DOCK6: variants seen among roughly 807,000 people sequenced by gnomAD.
The protein encoded by DOCK6 is dedicator of cytokinesis 6.
DOCK6 carries 167 observed loss-of-function variants against 230.3 expected under a neutral mutation model. The ratio of observed to expected loss-of-function variants is 0.73; its 90% CI spans 0.64 to 0.82. The LOEUF is 0.82. DOCK6 is among the 40% of genes least tolerant of loss of function. DOCK6 has a pLI of 0.00. For synonymous variants in DOCK6, 1,148 were observed against 1,185.0 expected (o/e 0.97, Z 0.64); for missense variants, 2,598 against 2,825.8 (o/e 0.92, Z 1.83).
At position 11,206,833 on chromosome 19, in the gene DOCK6, GGT is replaced by G. The variant is rs1491093234; in HGVS notation, c.5088+1851_5088+1852del. Among the ~76,000 whole-genome samples the G allele has an allele frequency of 8.8e-4, 132 of 149,728 alleles. 1 individual carries two copies. In the South Asian group the frequency reaches 0.016, roughly 18 times the overall value. Reference sequence around the variant, plus strand: ...TGGGAAAATAGCTGGGATTTGTGGTGGTTTTTTTTTTTTTGTTTTTTGTTTTT... The same window carrying G: ...TGGGAAAATAGCTGGGATTTGTGGTGTTTTTTTTTTTTGTTTTTTGTTTTT... On this transcript the variant is annotated intron_variant, in intron 39 of 47. Coordinates refer to ENST00000294618, the MANE Select transcript of DOCK6 (RefSeq NM_020812.4).
Position 11,236,367 on chromosome 19 carries a change from G to T in DOCK6, c.2371C>A (p.Pro791Thr). 1 of 1,567,318 alleles carries T rather than the reference G, an allele frequency of 6.4e-7. No homozygotes were observed. Among genetic ancestry groups the T allele is most frequent in the Non-Finnish European group, 8.7e-7 (1 of 1,155,180 alleles). The change falls in exon 20 of 48, where the codon CCG becomes ACG. Residue 791 changes from proline to threonine, a missense_variant. Physicochemically the swap from Pro to Thr is conservative, Grantham distance 38. Transcript: ENST00000294618. This position sits in a 1 kb window ranked among gnomAD's most constrained non-coding sequence, Gnocchi z 5.2. ...TTACCAATCTGGCCACTGATGATCG[G>T]GGGCCTGATGACCAGACGCACGAGC... ...DKLVRLVIRP[P>T]IISGQIVNLG...
chr19:11,258,917 T>G (rs1450326600), intron 1 of DOCK6, among the ~76,000 whole-genome samples: 4 of 151,158 alleles, frequency 2.6e-5, no homozygotes, highest in African/African-American at 9.7e-5. Context: ...CCACCATGCC[T>G]GGCTAATTTT....
intron 47 of DOCK6, among the ~76,000 whole-genome samples, 178 bp from the exon 48 acceptor site, chr19:11,199,717 G>C (rs2079136995): frequency 6.6e-6 from 1 of 152,196 alleles, no homozygotes. Context: ...CACCACGGAA[G>C]GTATGAATCA....
chr19:11,259,431 T>TGGG (rs376317740), intron 1 of DOCK6, among the ~76,000 whole-genome samples: 20 of 146,430 alleles, frequency 1.4e-4, no homozygotes, highest in Admixed American at 6.1e-4. Flanking sequence ...TATTCAAGGA[T>TGGG]GGGGGAGAGA....
At chr19:11,246,684 C>A (rs541255705) in intron 7 of DOCK6, among the ~76,000 whole-genome samples, 4 of 152,298 alleles carry the variant, frequency 2.6e-5, no homozygotes, top group African/African-American at 9.6e-5. Context: ...CTCAACAATC[C>A]CCACATCTTG....
intron 13 of DOCK6, 144 bp downstream of exon 13, chr19:11,242,915 T>G: frequency 1.1e-6 from 1 of 881,318 alleles, no homozygotes; most frequent in South Asian, 1.4e-5. Context: ...TTAGAAGCTG[T>G]AGCCAGCCCC....
At position 11,250,954 on chromosome 19, in the gene DOCK6, C is replaced by T. The variant is rs777377057; in HGVS notation, c.640G>A (p.Asp214Asn). 1 of 1,613,756 alleles carries T rather than the reference C, an allele frequency of 6.2e-7. No homozygotes were observed. Among genetic ancestry groups the T allele is most frequent in the Non-Finnish European group, 8.5e-7 (1 of 1,179,796 alleles). ...PSLLERAAPE[D>N]VDRRNETLRR... ...AGGGTTTCATTGCGCCGGTCCACAT[C>T]TTCTGGGGCCGCCCGCTCTAGCAGA... The change falls in exon 6 of 48, where the codon GAT becomes AAT. Residue 214 changes from aspartate (D) to asparagine (N), a missense_variant. Coordinates refer to ENST00000294618, the MANE Select transcript of DOCK6 (RefSeq NM_020812.4).
At position 11,237,573 on chromosome 19, in the gene DOCK6, A is replaced by G. The variant is rs1185174406; in HGVS notation, c.1972-16T>C. 14 of 1,308,948 alleles carry G rather than the reference A, an allele frequency of 1.1e-5. No homozygotes were observed. Among genetic ancestry groups the G allele is most frequent in the Non-Finnish European group, 1.4e-5 (14 of 998,710 alleles). The allele number at this position is 1,308,948 out of a possible 1,614,324, so 81.1% of individuals were successfully genotyped here. ...GTGGGATCCACTGGGGAGAGGCTGG[A>G]GGTCAGGTCTGCGGCCAGGTTGGGG... On this transcript the variant is annotated splice_polypyrimidine_tract_variant and intron_variant, in intron 17 of 47. Transcript: ENST00000294618.
chr19:11,229,091 C>CT, intron 22 of DOCK6, 56 bp from the exon 23 acceptor site: 1 of 1,535,304 alleles, frequency 6.5e-7, no homozygotes, highest in South Asian at 1.2e-5. Context: ...CCCGTACCCC[C>CT]TCTGGAGACA....
intron 7 of DOCK6, chr19:11,247,800 C>T (rs2080058345): frequency 5.1e-6 from 2 of 388,676 alleles, no homozygotes; most frequent in East Asian, 4.7e-5. Context: ...CCTGTGCCCA[C>T]TTCATGAGGT....
Position 11,215,919 on chromosome 19 carries a change from C to T in DOCK6, c.3903G>A (p.Lys1301=). ...TGAGGCTGTTGATGCGTTCAAAGGC[C>T]TTTTTCCCCTGGGGGTGCAGAGAAC... is the stretch of plus-strand genomic sequence containing the variant. ...CLAAFEYKGK[K]AFERINSLTF... Residue 1301 remains lysine, a synonymous_variant, in exon 31 of 48, where the codon AAG becomes AAA. Coordinates refer to ENST00000294618, the MANE Select transcript of DOCK6 (RefSeq NM_020812.4). The T allele has an allele frequency of 6.2e-7, 1 of 1,612,206 alleles. No individual in the cohort carries two copies. The highest frequency in any genetic ancestry group is 8.5e-7 in the Non-Finnish European group (1 of 1,178,798).
intron 14 of DOCK6, among the ~76,000 whole-genome samples, chr19:11,239,421 A>G (rs567267018): frequency 6.6e-6 from 1 of 152,260 alleles, no homozygotes; most frequent in South Asian, 2.1e-4. Flanking sequence ...TCCTCTCCCA[A>G]TGCCCCCCAC....
chr19:11,250,606 G>C (rs114524233), intron 6 of DOCK6, among the ~76,000 whole-genome samples: 5 of 151,990 alleles, frequency 3.3e-5, no homozygotes, highest in African/African-American at 1.2e-4. Flanking sequence ...CACCATGCCC[G>C]GCCTAGAAGC....
At chr19:11,241,807 C>T in intron 14 of DOCK6, 2 of 1,479,436 alleles carry the variant, frequency 1.4e-6, no homozygotes, top group Non-Finnish European at 1.8e-6. Context: ...CCGGGCCCCA[C>T]TTCTGAGCAC....
At chr19:11,250,007 A>C (rs1024451283) in intron 6 of DOCK6, among the ~76,000 whole-genome samples, 1 of 151,276 alleles carries the variant, frequency 6.6e-6, no homozygotes, top group Non-Finnish European at 1.5e-5. Flanking sequence ...GTCCATATAC[A>C]GAAGCTATCT....
At chr19:11,259,588 C>T (rs1246809097) in intron 1 of DOCK6, among the ~76,000 whole-genome samples, 9 of 112,096 alleles carry the variant, frequency 8.0e-5, no homozygotes, top group South Asian at 3.3e-4. Context: ...GATGGAGTCT[C>T]GCTCTGTCGC....
intron 28 of DOCK6, among the ~76,000 whole-genome samples, chr19:11,217,958 T>A (rs2079520779): frequency 6.6e-6 from 1 of 151,550 alleles, no homozygotes; most frequent in Non-Finnish European, 1.5e-5. Context: ...TTCAAGCAAT[T>A]CTCCTGCCTC....
At chr19:11,231,276 T>C (rs552051309) in intron 22 of DOCK6, among the ~76,000 whole-genome samples, 50 of 152,230 alleles carry the variant, frequency 3.3e-4, no homozygotes, top group African/African-American at 1.2e-3. Context: ...CTTTCCCTCT[T>C]CCTGAACACC....
intron 39 of DOCK6, among the ~76,000 whole-genome samples, chr19:11,205,092 G>A (rs1424485534): frequency 2.6e-5 from 4 of 152,184 alleles, no homozygotes; most frequent in African/African-American, 9.6e-5. Flanking sequence ...CACCCCCAGC[G>A]GGTGCTGGCA....
Sources: gnomAD v4.1 joint callset for allele counts (sites outside exome capture counted in the v4.1 genomes callset) on GRCh38, gnomAD v4.1.1 for gene constraint, Gnocchi (gnomAD v3.1) non-coding constraint, MANE v1.5 for transcripts, NCBI Gene and HGNC (gene_info 2026-07-23, HGNC 2026-07-21) for gene names.